The following NTM variants were observed in gnomAD, a reference collection of about 807,000 sequenced individuals.
NTM encodes neurotrimin.
A neutral mutation model predicts 42.1 loss-of-function variants in NTM; 13 were observed. That is an observed-to-expected ratio of 0.31 (90% CI 0.20 to 0.49). NTM has a LOEUF of 0.49. Ranked by LOEUF, NTM falls within the 20% of genes least tolerant of loss-of-function variation. NTM has a pLI of 0.99. For synonymous variants in NTM, 187 were observed against 179.2 expected, an observed-to-expected ratio of 1.04 and a Z score of -0.35; for missense variants, 373 against 452.8, an observed-to-expected ratio of 0.82 and a Z score of 1.60.
At chr11:132,307,606 C>A (rs2095135166) in intron 4 of NTM, 83 bp from the exon 5 acceptor site, 2 of 1,570,594 alleles carry the variant, frequency 1.3e-6, no homozygotes, top group Non-Finnish European at 1.7e-6. Context: ...CAGACATAAC[C>A]ATTTTATACT....
chr11:131,559,017 T>C (rs968174703), intron 1 of NTM, among the ~76,000 whole-genome samples: 1 of 152,360 alleles, frequency 6.6e-6, no homozygotes, highest in Non-Finnish European at 1.5e-5. Context: ...TATTTTACCA[T>C]GTTTCTGTGA....
At chr11:132,129,752 C>T (rs2066491605) in intron 2 of NTM, among the ~76,000 whole-genome samples, 1 of 152,210 alleles carries the variant, frequency 6.6e-6, no homozygotes, top group African/African-American at 2.4e-5. Flanking sequence ...GCTCCTAGGA[C>T]TGTATTAGAA....
intron 1 of NTM, among the ~76,000 whole-genome samples, chr11:131,894,525 C>T (rs950185443): frequency 3.9e-5 from 6 of 152,128 alleles, no homozygotes; most frequent in African/African-American, 1.2e-4. Flanking sequence ...TCTATTGAAA[C>T]CCCAGGCAAA....
At chr11:131,856,011 T>G (rs1259081415) in intron 1 of NTM, among the ~76,000 whole-genome samples, 3 of 152,214 alleles carry the variant, frequency 2.0e-5, no homozygotes, top group Non-Finnish European at 4.4e-5. Flanking sequence ...CAATAAATGT[T>G]TGTTGAATAC....
intron 1 of NTM, among the ~76,000 whole-genome samples, chr11:131,743,828 G>T (rs1007434831): frequency 6.6e-6 from 1 of 152,132 alleles, no homozygotes; most frequent in Non-Finnish European, 1.5e-5. Context: ...CAGTACTTGG[G>T]AGAAGAGCTA....
At chr11:132,275,178 T>G (rs879799296) in intron 4 of NTM, among the ~76,000 whole-genome samples, 3 of 152,172 alleles carry the variant, frequency 2.0e-5, no homozygotes, top group Admixed American at 1.3e-4. Context: ...AGCCTTTATG[T>G]TTAGATGTAC....
In NTM at chr11:131,964,253, A is replaced by G. The variant is rs149138638; in HGVS notation, c.167+52605A>G. On this transcript the variant is annotated intron_variant, in intron 2 of 8. Coordinates refer to ENST00000683400, the MANE Select transcript of NTM (RefSeq NM_001352005.2). ...GGGGGCTTCCTGAGATGACAGTAAC[A>G]TCTACTTAGATGGGTCATTTGTTGT... is the stretch of plus-strand genomic sequence containing the variant. Among the ~76,000 whole-genome samples, 934 of 152,286 alleles carry G rather than the reference A, an allele frequency of 6.1e-3. 4 individuals are homozygous for G. The highest frequency in any genetic ancestry group is 9.8e-3 in the Non-Finnish European group (665 of 68,016).
chr11:131,831,467 G>A lies in NTM; in HGVS notation c.83-80097G>A, dbSNP rs540774294. ...AAATGGCAGAATCTTAGCCTATGCC[G>A]TCCACACACCAGAACCAGGCTGGGT... On this transcript the variant is annotated intron_variant, in intron 1 of 8. Transcript: ENST00000683400. Among the ~76,000 whole-genome samples the A allele has an allele frequency of 7.2e-5, 11 of 152,152 alleles. No homozygotes were observed. The South Asian group carries it at 8.3e-4, about 11-fold the overall frequency.
intron 3 of NTM, among the ~76,000 whole-genome samples, chr11:132,199,667 C>G (rs925965338): frequency 3.3e-5 from 5 of 151,088 alleles, no homozygotes; most frequent in Non-Finnish European, 7.4e-5. Flanking sequence ...CTGCTGGGAA[C>G]TGGTGAGCGA....
intron 1 of NTM, among the ~76,000 whole-genome samples, chr11:131,837,324 C>T (rs1174827418): frequency 6.6e-6 from 1 of 152,160 alleles, no homozygotes; most frequent in Admixed American, 6.5e-5. Context: ...TTTAGTGATT[C>T]CTAATGCAGT....
intron 3 of NTM, among the ~76,000 whole-genome samples, chr11:132,164,826 C>T (rs752507357): frequency 2.0e-5 from 3 of 152,178 alleles, no homozygotes; most frequent in Non-Finnish European, 4.4e-5. Flanking sequence ...CATCAGGAGA[C>T]ACGATTGTCT....
intron 1 of NTM, among the ~76,000 whole-genome samples, chr11:131,761,293 G>T (rs1214870883): frequency 6.6e-6 from 1 of 151,902 alleles, no homozygotes; most frequent in Non-Finnish European, 1.5e-5. Flanking sequence ...AAATTCAGAG[G>T]GCTGAAGTCA....
chr11:132,049,035 G>T (rs2078460200), intron 2 of NTM, among the ~76,000 whole-genome samples: 1 of 151,870 alleles, frequency 6.6e-6, no homozygotes. Flanking sequence ...CCAGAAAAAG[G>T]GAATTTCGAT....
At chr11:132,186,777 T>G (rs2078463364) in intron 3 of NTM, among the ~76,000 whole-genome samples, 1 of 152,176 alleles carries the variant, frequency 6.6e-6, no homozygotes, top group African/African-American at 2.4e-5. Flanking sequence ...CCCTAAGACA[T>G]CAAACCACTG....
At chr11:131,697,824 T>C (rs56735600) in intron 1 of NTM, among the ~76,000 whole-genome samples, 3,744 of 152,296 alleles carry the variant, frequency 0.025, 148 homozygotes, top group African/African-American at 0.085. Context: ...TGATTTTTCC[T>C]CATGATCAGT....
chr11:132,020,333 G>C (rs1486767222), intron 2 of NTM, among the ~76,000 whole-genome samples: 2 of 151,654 alleles, frequency 1.3e-5, no homozygotes, highest in African/African-American at 4.8e-5. Context: ...ATATTTACTG[G>C]TACTTATTTT....
At chr11:132,241,118 G>A (rs929466034) in intron 4 of NTM, among the ~76,000 whole-genome samples, 13 of 152,196 alleles carry the variant, frequency 8.5e-5, no homozygotes, top group South Asian at 8.3e-4. Context: ...CTTGGGACCC[G>A]TCCCCAAGAT....
At chr11:131,810,772 T>C (rs764103541) in intron 1 of NTM, among the ~76,000 whole-genome samples, 52 of 152,182 alleles carry the variant, frequency 3.4e-4, no homozygotes, top group Non-Finnish European at 3.8e-4. Flanking sequence ...AAAGGACTTT[T>C]AGAGGGATCA....
chr11:131,969,408 A>G (rs571930882), intron 2 of NTM, among the ~76,000 whole-genome samples: 1 of 152,318 alleles, frequency 6.6e-6, no homozygotes, highest in South Asian at 2.1e-4. Flanking sequence ...CTCTGTATGA[A>G]TCATATGTAC....
Sources: gnomAD v4.1 joint callset for allele counts (sites outside exome capture counted in the v4.1 genomes callset) on GRCh38, gnomAD v4.1.1 for gene constraint, MANE v1.5 for transcripts, NCBI Gene and HGNC (gene_info 2026-07-23, HGNC 2026-07-21) for gene names.